ZNF888: variants seen among roughly 807,000 people sequenced by gnomAD.
ZNF888 encodes the protein CTD-2331H12.6.
A neutral mutation model predicts 7.2 loss-of-function variants in ZNF888; 5 were observed. The observed-to-expected ratio is 0.70, with a 90% CI of 0.36 to 1.46. The LOEUF is 1.46. Among genes scored for constraint, ZNF888 ranks in the 40% most tolerant of loss-of-function variants. ZNF888 has a pLI of 0.03. For missense variants in ZNF888, 716 were observed against 858.0 expected (o/e 0.83, Z 2.07); for synonymous variants, 240 against 284.3 (o/e 0.84, Z 1.57).
At chr19:52,917,998 C>T in intron 2 of ZNF888, 67 bp from the exon 3 acceptor site, 4 of 1,562,464 alleles carry the variant, frequency 2.6e-6, no homozygotes, top group Non-Finnish European at 3.4e-6. Context: ...TACCCCCTCC[C>T]TGTAAAACAA....
chr19:52,916,627 T>TATAC (rs1555828417), intron 3 of ZNF888, among the ~76,000 whole-genome samples: 1 of 142,144 alleles, frequency 7.0e-6, no homozygotes, highest in African/African-American at 2.8e-5. Context: ...TATATATATA[T>TATAC]ATATATATAT....
At chr19:52,917,581 A>G (rs1341025769) in intron 3 of ZNF888, among the ~76,000 whole-genome samples, 1 of 152,050 alleles carries the variant, frequency 6.6e-6, no homozygotes, top group Non-Finnish European at 1.5e-5. Context: ...CTGCCGCCCA[A>G]CACCACTGAC....
rs1405766909 is a variant in ZNF888 at position 52,906,928 on chromosome 19, G to C, written c.1394C>G (p.Pro465Arg). 17 of 1,612,700 alleles carry C rather than the reference G, an allele frequency of 1.1e-5. 1 individual carries two copies. The South Asian group carries it at 1.9e-4, about 18-fold the overall frequency. The change falls in exon 5 of 5, where the codon CCT becomes CGT. Residue 465 changes from proline to arginine, a missense_variant. Pro to Arg is a moderately radical substitution (Grantham distance 103, BLOSUM62 -2). Coordinates refer to ENST00000638862, the MANE Select transcript of ZNF888 (RefSeq NM_001393938.1). ...RHHRLHTGEK[P>R]YKCKECDKVF... is the part of the protein sequence containing the mutation. ...TTTGTCACATTCTTTACATTTGTAA[G>C]GTTTCTCTCCAGTATGAAGTCTATG...
chr19:52,907,783 G>T lies in ZNF888; in HGVS notation c.539C>A (p.Ser180Tyr). 1.2e-6 allele frequency: 2 copies of T among 1,614,116 alleles called. No homozygotes were observed. The highest frequency in any genetic ancestry group is 1.7e-6 in the Non-Finnish European group (2 of 1,180,036). Residue 180 changes from serine to tyrosine, a missense_variant, in exon 5 of 5, where the codon TCT becomes TAT. Ser to Tyr is a moderately radical substitution (Grantham distance 144). Transcript: ENST00000638862. ...ASSVSTSQRI[S>Y]CRPKTHISNN... ...AGAAATATGGGTTTTGGGCCTACAA[G>T]AAATTCTTTGGGATGTTGAAACTGA... is the stretch of plus-strand genomic sequence containing the variant.
chr19:52,918,958 ATCTCCCTCTCC>A (rs1233738611), intron 1 of ZNF888, 21 bp from the exon 2 acceptor site: 6 of 3,974 alleles, frequency 1.5e-3, no homozygotes, highest in African/African-American at 7.6e-3. Context: ...AAAAAAAAAA[ATCTCCCTCTCC>A]CTCCCCCTCC....
At position 52,914,788 on chromosome 19, in the gene ZNF888, T is replaced by G. The variant is rs1267553076; in HGVS notation, c.142+408A>C. On this transcript the variant is annotated intron_variant, in intron 4 of 4. Coordinates refer to ENST00000638862, the MANE Select transcript of ZNF888 (RefSeq NM_001393938.1). ...TTTGAGTGATTCTCTTTCCTCAGCC[T>G]TTCTAGGAGCTAGGATTACAGGTGT... Among the ~76,000 whole-genome samples, 4 of 152,162 alleles carry G rather than the reference T, an allele frequency of 2.6e-5. No individual in the cohort carries two copies. In the East Asian group the frequency reaches 7.7e-4, roughly 29 times the overall value.
chr19:52,912,014 C>T (rs891453937), intron 4 of ZNF888, among the ~76,000 whole-genome samples: 1 of 150,948 alleles, frequency 6.6e-6, no homozygotes, highest in Non-Finnish European at 1.5e-5. Context: ...GGGGTTTCAC[C>T]GTGTTAGTCA....
chr19:52,911,682 G>T (rs1321719249), intron 4 of ZNF888, among the ~76,000 whole-genome samples: 1 of 151,974 alleles, frequency 6.6e-6, no homozygotes, highest in Non-Finnish European at 1.5e-5. Flanking sequence ...GACAGAAACA[G>T]GAAAAAGAGC....
chr19:52,911,169 G>A (rs1687398113), intron 4 of ZNF888, among the ~76,000 whole-genome samples: 1 of 151,898 alleles, frequency 6.6e-6, no homozygotes, highest in South Asian at 2.1e-4. Flanking sequence ...GTGAGCAATT[G>A]CACCTGGCCC....
chr19:52,922,031 G>A (rs2064827205), intron 1 of ZNF888, among the ~76,000 whole-genome samples: 2 of 152,064 alleles, frequency 1.3e-5, no homozygotes, highest in African/African-American at 2.4e-5. Context: ...GAATACATAG[G>A]TGGCCAGGTG....
chr19:52,921,826 G>T, intron 1 of ZNF888: 1 of 166,712 alleles, frequency 6.0e-6, no homozygotes, highest in Non-Finnish European at 1.2e-5. Context: ...TACTCAGCAA[G>T]GCTGAGGCAG....
intron 2 of ZNF888, chr19:52,918,368 G>C (rs971158343): frequency 2.0e-5 from 4 of 202,570 alleles, no homozygotes; most frequent in Non-Finnish European, 3.5e-5. Flanking sequence ...GTGCACATCT[G>C]TGTTTCTGTC....
At chr19:52,911,962 A>T (rs560443961) in intron 4 of ZNF888, among the ~76,000 whole-genome samples, 1 of 150,890 alleles carries the variant, frequency 6.6e-6, no homozygotes, top group South Asian at 2.1e-4. Flanking sequence ...GACTACAGGC[A>T]CCCGCCACCA....
Position 52,907,242 on chromosome 19 carries a change from G to A in ZNF888, c.1080C>T (p.Asp360=). 1.2e-6 allele frequency: 2 copies of A among 1,612,658 alleles called. No homozygotes were observed. The highest frequency in any genetic ancestry group is 1.7e-6 in the Non-Finnish European group (2 of 1,179,648). The change falls in exon 5 of 5, where the codon GAC becomes GAT. Residue 360 remains aspartate (D), a synonymous_variant. Coordinates refer to ENST00000638862, the MANE Select transcript of ZNF888 (RefSeq NM_001393938.1). ...GEKPYQCKEC[D]KVFSRKSYLE... ...GGTATGATTTGCGACTGAAAACTTT[G>A]TCACATTCTTTACATTGGTAAGGTT... is the stretch of plus-strand genomic sequence containing the variant.
At chr19:52,909,632 T>C (rs544303524) in intron 4 of ZNF888, among the ~76,000 whole-genome samples, 82 of 152,154 alleles carry the variant, frequency 5.4e-4, no homozygotes, top group African/African-American at 1.6e-3. Context: ...TAAAATCAAT[T>C]AATAAAATAT....
Position 52,912,240 on chromosome 19 carries a change from A to C in ZNF888, c.142+2956T>G, listed in dbSNP as rs1045965057. Among the ~76,000 whole-genome samples the C allele has an allele frequency of 2.7e-5, 4 of 148,700 alleles. No homozygotes were observed. The East Asian group carries it at 6.1e-4, about 23-fold the overall frequency. On this transcript the variant is annotated intron_variant, in intron 4 of 4. Coordinates refer to ENST00000638862, the MANE Select transcript of ZNF888 (RefSeq NM_001393938.1). The stretch of plus-strand genomic sequence containing the variant: ...GCCATTCTCCTGCCTCAGCCTCCCG[A>C]GTAGCTGGGACTACAGGCACCTGCC...
At chr19:52,918,171 A>T in intron 2 of ZNF888, 1 of 985,356 alleles carries the variant, frequency 1.0e-6, no homozygotes, top group Non-Finnish European at 1.2e-6. Flanking sequence ...GCTCCCCTTC[A>T]AGGCACAGAC....
chr19:52,916,733 G>A (rs926916467), intron 3 of ZNF888, among the ~76,000 whole-genome samples: 1 of 151,442 alleles, frequency 6.6e-6, no homozygotes, highest in Non-Finnish European at 1.5e-5. Context: ...CTGGGGGCTG[G>A]GGGGAATCTT....
Position 52,908,031 on chromosome 19 carries a change from C to G in ZNF888, c.291G>C (p.Val97=). The change falls in exon 5 of 5, where the codon GTG becomes GTC. Residue 97 remains valine, a synonymous_variant. Coordinates refer to ENST00000638862, the MANE Select transcript of ZNF888 (RefSeq NM_001393938.1). ...TTGTTTCATCTTCTTGCCACTGAAA[C>G]ACAAAGTCATGAATGTCTTTCTCAA... ...QEIEKDIHDF[V]FQWQEDETNG... 6.2e-7 allele frequency: 1 copy of G among 1,614,090 alleles called. No individual in the cohort carries two copies. The highest frequency in any genetic ancestry group is 8.5e-7 in the Non-Finnish European group (1 of 1,180,000).
Sources: gnomAD v4.1 joint callset for allele counts (sites outside exome capture counted in the v4.1 genomes callset) on GRCh38, gnomAD v4.1.1 for gene constraint, MANE v1.5 for transcripts, NCBI Gene and HGNC (gene_info 2026-07-23, HGNC 2026-07-21) for gene names.